The following TGFB1 variants were observed in gnomAD, a reference collection of about 807,000 sequenced individuals.
The protein encoded by TGFB1 is transforming growth factor beta-1 proprotein.
TGFB1 carries 19 observed loss-of-function variants against 43.8 expected under a neutral mutation model. The ratio of observed to expected loss-of-function variants is 0.43; its 90% CI spans 0.30 to 0.64. TGFB1 has a LOEUF of 0.64. Among genes scored for constraint, TGFB1 ranks in the 30% least tolerant of loss-of-function variants. TGFB1 has a pLI of 0.11. For synonymous variants in TGFB1, 221 were observed against 236.3 expected (o/e 0.94, Z 0.60); for missense variants, 445 against 529.8 (o/e 0.84, Z 1.57).
In TGFB1 at chr19:41,331,044, G is replaced by T; in HGVS notation, c.*8C>A. ...GCCTGCCGGGGCGGGGCGGGGCGGG[G>T]CGGGACCTCAGCTGCACTTGCAGGA... On this transcript the variant is annotated 3_prime_UTR_variant, in exon 7 of 7. Transcript: ENST00000221930. 1 of 1,536,402 alleles carries T rather than the reference G, an allele frequency of 6.5e-7. No homozygotes were observed.
Position 41,353,065 on chromosome 19 carries a change from GCA to G in TGFB1, c.-23_-22del. On this transcript the variant is annotated 5_prime_UTR_variant, in exon 1 of 7. Transcript: ENST00000221930. The surrounding 1 kb of genome is among the most constrained non-coding windows in gnomAD (Gnocchi z 5.9). ...GGCATGGGGGAGGCGGCGCCCCCCG[GCA>G]CTGCCGAGAGCGCGAACAGGGCTGG... 6.6e-7 allele frequency: 1 copy of G among 1,510,490 alleles called. No individual in the cohort carries two copies. The highest frequency in any genetic ancestry group is 8.8e-7 in the Non-Finnish European group (1 of 1,134,622). 93.6% of individuals were successfully genotyped at this position (1,510,490 alleles called of 1,614,324 possible).
chr19:41,332,303 CA>C (rs1364328683), intron 5 of TGFB1, 22 bp from the exon 6 acceptor site: 22 of 1,609,036 alleles, frequency 1.4e-5, no homozygotes, highest in Admixed American at 1.0e-4. Flanking sequence ...AGAGACGCGT[CA>C]GGGGCAGGGA....
At chr19:41,342,285 C>T (rs1282855382) in intron 3 of TGFB1, 38 bp from the exon 4 acceptor site, 1 of 1,556,592 alleles carries the variant, frequency 6.4e-7, no homozygotes, top group South Asian at 1.2e-5. Flanking sequence ...TCTGAGAGTG[C>T]AGCTCACCCA....
chr19:41,343,294 C>T (rs1040499170), intron 3 of TGFB1, among the ~76,000 whole-genome samples: 2 of 151,964 alleles, frequency 1.3e-5, no homozygotes, highest in African/African-American at 4.8e-5. Flanking sequence ...ATCACCACGC[C>T]GAGCTAATTA....
At position 41,347,732 on chromosome 19, in the gene TGFB1, G is replaced by A. The variant is rs193188206; in HGVS notation, c.516+563C>T. Among the ~76,000 whole-genome samples the A allele has an allele frequency of 5.4e-4, 82 of 151,210 alleles. No individual in the cohort carries two copies. The Middle Eastern group carries it at 0.014, about 25-fold the overall frequency. On this transcript the variant is annotated intron_variant, in intron 2 of 6. Transcript: ENST00000221930. ...AATCCCAGCTACTCGGGTGGCTGAGGCAGGAGAATCACTTGAACCCAGGAG... is the reference window on the plus strand; with the variant it reads ...AATCCCAGCTACTCGGGTGGCTGAGACAGGAGAATCACTTGAACCCAGGAG...
Position 41,352,732 on chromosome 19 carries a change from C to A in TGFB1, c.313G>T (p.Ala105Ser). 6.2e-7 allele frequency: 1 copy of A among 1,613,564 alleles called. No homozygotes were observed. The part of the protein sequence containing the change: ...PEPEPEADYY[A>S]KEVTRVLMVE... ...ATTAGCACGCGGGTGACCTCCTTGG[C>A]GTAGTAGTCGGCCTCAGGCTCGGGC... Residue 105 changes from alanine to serine, a missense_variant, in exon 1 of 7, where the codon GCC (alanine) becomes TCC (serine). This residue lies in a region of TGFB1 where 366 missense variants were observed against 428.8 expected (regional missense o/e 0.85). Coordinates refer to ENST00000221930, the MANE Select transcript of TGFB1 (RefSeq NM_000660.7).
rs2038241519 is a variant in TGFB1 at position 41,353,412 on chromosome 19, G to C, written c.-368C>G. The C allele has an allele frequency of 4.7e-6, 1 of 213,716 alleles. No homozygotes were observed. The highest frequency in any genetic ancestry group is 9.3e-6 in the Non-Finnish European group (1 of 107,698). The allele number at this position is 213,716 out of a possible 1,614,324, so 13.2% of individuals were successfully genotyped here. ...GTGCAGGGGGTGCGCCCGAGGTCTG[G>C]GGAAAAGTCTTTGCGGGAGGCCGGG... On this transcript the variant is annotated 5_prime_UTR_variant, in exon 1 of 7. Coordinates refer to ENST00000221930, the MANE Select transcript of TGFB1 (RefSeq NM_000660.7). The surrounding 1 kb of genome is among the most constrained non-coding windows in gnomAD (Gnocchi z 5.9).
intron 5 of TGFB1, among the ~76,000 whole-genome samples, chr19:41,334,200 C>A (rs1050301677): frequency 1.1e-3 from 162 of 151,914 alleles, no homozygotes; most frequent in African/African-American, 3.1e-3. Flanking sequence ...CATGGCGAAA[C>A]CCCGTCTCTA....
At chr19:41,335,226 G>A (rs942769187) in intron 5 of TGFB1, among the ~76,000 whole-genome samples, 1 of 151,888 alleles carries the variant, frequency 6.6e-6, no homozygotes, top group Non-Finnish European at 1.5e-5. Context: ...CTAATTTTTT[G>A]TATTTTTAGT....
intron 5 of TGFB1, among the ~76,000 whole-genome samples, chr19:41,339,936 A>G (rs2038035954): frequency 6.6e-6 from 1 of 152,194 alleles, no homozygotes; most frequent in Non-Finnish European, 1.5e-5. Context: ...ACAGCCGGTA[A>G]CAAAGCCCAG....
rs538367687 is a variant in TGFB1 at position 41,346,554 on chromosome 19, C to G, written c.517-1690G>C. Among the ~76,000 whole-genome samples the G allele has an allele frequency of 5.3e-5, 8 of 152,260 alleles. No homozygotes were observed. In the East Asian group the frequency reaches 1.5e-3, roughly 29 times the overall value. On this transcript the variant is annotated intron_variant, in intron 2 of 6. Transcript: ENST00000221930. Reference sequence around the variant, plus strand: ...TAGCTCATAGAAACTGCTAGAGCCTCCAGCCCTTCCAGATGCCCCAGTCCT... The same window carrying G: ...TAGCTCATAGAAACTGCTAGAGCCTGCAGCCCTTCCAGATGCCCCAGTCCT...
At chr19:41,339,748 T>C (rs1045743781) in intron 5 of TGFB1, among the ~76,000 whole-genome samples, 28 of 152,072 alleles carry the variant, frequency 1.8e-4, no homozygotes, top group Admixed American at 1.5e-3. Flanking sequence ...CACTTGAACC[T>C]GGGAGGCGGA....
intron 3 of TGFB1, 28 bp downstream of exon 3, chr19:41,344,719 A>C (rs28395768): frequency 6.3e-7 from 1 of 1,592,400 alleles, no homozygotes; most frequent in Non-Finnish European, 8.6e-7. Context: ...AGGGAGAAAC[A>C]GGGGTGGGAC....
At position 41,353,544 on chromosome 19, in the gene TGFB1, T is replaced by TC. The variant is rs1599899856; in HGVS notation, c.-501dup. The TC allele has an allele frequency of 6.5e-6, 1 of 153,036 alleles. No individual in the cohort carries two copies. Among genetic ancestry groups the TC allele is most frequent in the African/African-American group, 2.4e-5 (1 of 41,246 alleles). 9.5% of individuals were successfully genotyped at this position (153,036 alleles called of 1,614,324 possible). On this transcript the variant is annotated 5_prime_UTR_variant, in exon 1 of 7. Coordinates refer to ENST00000221930, the MANE Select transcript of TGFB1 (RefSeq NM_000660.7). This position sits in a 1 kb window ranked among gnomAD's most constrained non-coding sequence, Gnocchi z 5.9. The stretch of plus-strand genomic sequence containing the variant: ...GGCGGCAAAGGGAGGCGGTCTGGGG[T>TC]CCCCAAGTCCTGCCTCCTCGCGGGG...
At position 41,352,946 on chromosome 19, in the gene TGFB1, G is replaced by A. The variant is rs1419714239; in HGVS notation, c.99C>T (p.Cys33=). The part of the protein sequence containing the change: ...PGRPAAGLST[C]KTIDMELVKR... ...TCACCAGCTCCATGTCGATAGTCTT[G>A]CAGGTGGATAGTCCCGCGGCCGGCC... The change falls in exon 1 of 7, where the codon TGC becomes TGT. Residue 33 remains cysteine (C), a synonymous_variant. Coordinates refer to ENST00000221930, the MANE Select transcript of TGFB1 (RefSeq NM_000660.7). 6 of 1,552,876 alleles carry A rather than the reference G, an allele frequency of 3.9e-6. No homozygotes were observed. The highest frequency in any genetic ancestry group is 1.7e-6 in the Non-Finnish European group (2 of 1,151,186).
In TGFB1 at chr19:41,331,014, G is replaced by T. The variant is rs2037922543; in HGVS notation, c.*38C>A. The T allele has an allele frequency of 6.8e-7, 1 of 1,469,140 alleles. No homozygotes were observed. The highest frequency in any genetic ancestry group is 1.6e-5 in the African/African-American group (1 of 64,388). 91.0% of individuals were successfully genotyped at this position (1,469,140 alleles called of 1,614,324 possible). A position where few individuals can be genotyped will look rare whatever the true frequency, so the allele number is the denominator to read the frequency against. On this transcript the variant is annotated 3_prime_UTR_variant, in exon 7 of 7. Coordinates refer to ENST00000221930, the MANE Select transcript of TGFB1 (RefSeq NM_000660.7). Reference sequence around the variant, plus strand: ...GGCAGCGGGGGCGGGGCGGGGTGGGGCCGGGCCTGCCGGGGCGGGGCGGGG... The same window carrying T: ...GGCAGCGGGGGCGGGGCGGGGTGGGTCCGGGCCTGCCGGGGCGGGGCGGGG...
intron 5 of TGFB1, among the ~76,000 whole-genome samples, chr19:41,340,919 C>A (rs191574148): frequency 1.3e-5 from 2 of 152,290 alleles, no homozygotes; most frequent in Non-Finnish European, 2.9e-5. Context: ...TCTAGAATCC[C>A]AGCATTCTAG....
At chr19:41,352,239 C>T (rs1286422282) in intron 1 of TGFB1, among the ~76,000 whole-genome samples, 8 of 151,954 alleles carry the variant, frequency 5.3e-5, no homozygotes, top group Non-Finnish European at 1.0e-4. Flanking sequence ...ACCTCAGGAC[C>T]CCCAAGCTCT....
intron 3 of TGFB1, among the ~76,000 whole-genome samples, chr19:41,342,963 A>T (rs1438667885): frequency 6.6e-6 from 1 of 150,942 alleles, no homozygotes; most frequent in Non-Finnish European, 1.5e-5. Flanking sequence ...AATCTCTTGA[A>T]TGAATGAGTG....
Sources: gnomAD v4.1 joint callset for allele counts (sites outside exome capture counted in the v4.1 genomes callset) on GRCh38, gnomAD v4.1.1 for gene constraint, gnomAD v4.1.1 regional missense constraint, Gnocchi (gnomAD v3.1) non-coding constraint, MANE v1.5 for transcripts, NCBI Gene and HGNC (gene_info 2026-07-23, HGNC 2026-07-21) for gene names.